BICRA: variants seen among roughly 807,000 people sequenced by gnomAD.
The protein encoded by BICRA is BRD4 interacting chromatin remodeling complex associated protein, also known as BRD4-interacting chromatin-remodeling complex-associated protein.
BICRA carries 31 observed loss-of-function variants against 96.9 expected under a neutral mutation model. That is an observed-to-expected ratio of 0.32 (90% confidence interval 0.24 to 0.43). BICRA has a LOEUF of 0.43. Ranked by LOEUF, BICRA falls within the 20% of genes least tolerant of loss-of-function variation. The probability of loss-of-function intolerance (pLI) is 1.00; values close to 1 mark genes in which losing one functional copy is unlikely to be tolerated. For missense variants in BICRA, 2,283 were observed against 2,190.3 expected, an observed-to-expected ratio of 1.04 and a Z score of -0.84; for synonymous variants, 1,350 against 1,071.8, an observed-to-expected ratio of 1.26 and a Z score of -5.07.
At chr19:47,690,280 G>A (rs947548817) in intron 7 of BICRA, among the ~76,000 whole-genome samples, 1 of 152,186 alleles carries the variant, frequency 6.6e-6, no homozygotes, top group African/African-American at 2.4e-5. Flanking sequence ...GGGATTACAG[G>A]TGTGAGCCAC....
chr19:47,618,189 C>G (rs189489838), intron 1 of BICRA, among the ~76,000 whole-genome samples: 9 of 152,212 alleles, frequency 5.9e-5, no homozygotes, highest in Admixed American at 5.2e-4. Context: ...CAGAAATCGT[C>G]CTCATAAAGG....
Position 47,680,103 on chromosome 19 carries a change from G to T in BICRA, c.933G>T (p.Gly311=), listed in dbSNP as rs761952014. The change falls in exon 6 of 15, where the codon GGG becomes GGT. Residue 311 remains glycine (G), a synonymous_variant. Coordinates refer to ENST00000594866, the MANE Select transcript of BICRA (RefSeq NM_001394372.1). Reference sequence around the variant, plus strand: ...GGAACTCTGTGTTCGGAGGCGCGGGGGCCGCCTCGGCTCCCACCGGGACGC... The same window carrying T: ...GGAACTCTGTGTTCGGAGGCGCGGGTGCCGCCTCGGCTCCCACCGGGACGC... ...LNGNSVFGGA[G]AASAPTGTPS... The T allele has an allele frequency of 1.3e-6, 2 of 1,540,840 alleles. No homozygotes were observed. The highest frequency in any genetic ancestry group is 2.8e-5 in the African/African-American group (2 of 71,624).
intron 1 of BICRA, among the ~76,000 whole-genome samples, chr19:47,642,643 A>C (rs1176547837): frequency 6.6e-6 from 1 of 152,196 alleles, no homozygotes; most frequent in African/African-American, 2.4e-5. Flanking sequence ...TGGAGGTTGC[A>C]GTGAGCCAAG....
intron 2 of BICRA, among the ~76,000 whole-genome samples, chr19:47,671,962 A>G (rs1448518745): frequency 1.2e-4 from 11 of 89,062 alleles, no homozygotes; most frequent in African/African-American, 4.5e-4. Context: ...GATGGATGGA[A>G]GGATGGAGGG....
chr19:47,610,618 C>G (rs911091036), intron 1 of BICRA, among the ~76,000 whole-genome samples: 1 of 121,406 alleles, frequency 8.2e-6, no homozygotes, highest in Non-Finnish European at 1.8e-5. Flanking sequence ...ACCCCCCCCC[C>G]ACACACACAC....
chr19:47,623,265 C>T (rs554328722), intron 1 of BICRA, among the ~76,000 whole-genome samples: 67 of 152,210 alleles, frequency 4.4e-4, no homozygotes, highest in Non-Finnish European at 8.7e-4. Flanking sequence ...TCTGTTTCTC[C>T]TCCTGCTGCT....
At chr19:47,636,136 T>C (rs772559194) in intron 1 of BICRA, among the ~76,000 whole-genome samples, 1 of 152,236 alleles carries the variant, frequency 6.6e-6, no homozygotes, top group Non-Finnish European at 1.5e-5. Flanking sequence ...TATGCAAATA[T>C]TTCAAAACTC....
intron 7 of BICRA, 59 bp from the exon 8 acceptor site, chr19:47,694,056 C>A: frequency 3.5e-6 from 5 of 1,448,094 alleles, no homozygotes; most frequent in Non-Finnish European, 4.5e-6. Flanking sequence ...CTTGGGGCAA[C>A]AGGAGCTATG....
At chr19:47,639,265 C>A (rs530023811) in intron 1 of BICRA, among the ~76,000 whole-genome samples, 4 of 151,406 alleles carry the variant, frequency 2.6e-5, no homozygotes, top group African/African-American at 9.7e-5. Flanking sequence ...CTCTCTGCCT[C>A]CCAAAGTGCT....
intron 1 of BICRA, among the ~76,000 whole-genome samples, chr19:47,659,682 GCATACA>G (rs1355662074): frequency 1.8e-5 from 2 of 111,088 alleles, no homozygotes; most frequent in African/African-American, 3.6e-5. Flanking sequence ...ACATGGTGGT[GCATACA>G]CACACACACA....
chr19:47,651,325 T>A (rs1197136212), intron 1 of BICRA, among the ~76,000 whole-genome samples: 1 of 152,080 alleles, frequency 6.6e-6, no homozygotes, highest in Non-Finnish European at 1.5e-5. Flanking sequence ...TCACTGCCCG[T>A]GGTCCCTGAG....
intron 1 of BICRA, among the ~76,000 whole-genome samples, chr19:47,669,469 G>C (rs1014009164): frequency 6.6e-6 from 1 of 151,808 alleles, no homozygotes; most frequent in Non-Finnish European, 1.5e-5. Flanking sequence ...AGCAAGAATT[G>C]GCTGTATTTT....
At chr19:47,681,830 T>G (rs1314586505) in intron 6 of BICRA, 146 bp from the exon 7 acceptor site, 2 of 635,046 alleles carry the variant, frequency 3.1e-6, no homozygotes, top group Non-Finnish European at 5.3e-6. Flanking sequence ...GGTTTCGGCC[T>G]CTGTGCCTGG....
At chr19:47,619,201 C>CATATATATGTATATATACATAT (rs1555784004) in intron 1 of BICRA, among the ~76,000 whole-genome samples, 1 of 141,282 alleles carries the variant, frequency 7.1e-6, no homozygotes, top group Admixed American at 7.1e-5. Context: ...TGTATATATA[C>CATATATATGTATATATACATAT]ATATATATAT....
intron 5 of BICRA, among the ~76,000 whole-genome samples, chr19:47,676,758 A>G (rs1024438927): frequency 4.6e-5 from 7 of 151,772 alleles, no homozygotes; most frequent in African/African-American, 1.7e-4. Flanking sequence ...ATGATGAGGA[A>G]ATGTAGTAAT....
intron 5 of BICRA, among the ~76,000 whole-genome samples, chr19:47,678,272 C>T (rs556280693): frequency 6.6e-6 from 1 of 152,060 alleles, no homozygotes; most frequent in Non-Finnish European, 1.5e-5. Flanking sequence ...CGTGCCACCA[C>T]GCCTGGCTAA....
intron 1 of BICRA, among the ~76,000 whole-genome samples, chr19:47,666,726 C>T (rs1371341294): frequency 6.6e-6 from 1 of 152,108 alleles, no homozygotes; most frequent in Non-Finnish European, 1.5e-5. Context: ...TGCCCACCAC[C>T]ACCCCCTGGC....
chr19:47,629,398 G>A (rs1972187235), intron 1 of BICRA, among the ~76,000 whole-genome samples: 1 of 152,172 alleles, frequency 6.6e-6, no homozygotes, highest in Non-Finnish European at 1.5e-5. Context: ...TTGACTTTAA[G>A]TGCCAAATTT....
intron 1 of BICRA, among the ~76,000 whole-genome samples, chr19:47,610,404 G>A (rs547251339): frequency 6.6e-6 from 1 of 152,220 alleles, no homozygotes; most frequent in Non-Finnish European, 1.5e-5. Flanking sequence ...TGATTGGGAG[G>A]CACTGCGGCT....
Sources: gnomAD v4.1 joint callset for allele counts (sites outside exome capture counted in the v4.1 genomes callset) on GRCh38, gnomAD v4.1.1 for gene constraint, MANE v1.5 for transcripts, NCBI Gene and HGNC (gene_info 2026-07-23, HGNC 2026-07-21) for gene names.